The following FBN2 variants were observed in gnomAD, a reference collection of about 807,000 sequenced individuals.
The protein encoded by FBN2 is fibrillin 2, also known as fibrillin-2.
A neutral mutation model predicts 355.6 loss-of-function variants in FBN2; 105 were observed. That is an observed-to-expected ratio of 0.30 (90% confidence interval 0.25 to 0.35). The LOEUF (loss-of-function observed/expected upper bound fraction) is 0.35, where lower values mean the gene tolerates loss of function less well. Among genes scored for constraint, FBN2 ranks in the 10% least tolerant of loss-of-function variants. FBN2 has a pLI of 1.00. For missense variants in FBN2, 3,280 were observed against 3,758.7 expected, an observed-to-expected ratio of 0.87 and a Z score of 3.33; for synonymous variants, 1,350 against 1,301.2, an observed-to-expected ratio of 1.04 and a Z score of -0.81.
chr5:128,444,187 C>G (rs1278585730), intron 7 of FBN2, among the ~76,000 whole-genome samples: 4 of 151,370 alleles, frequency 2.6e-5, no homozygotes, highest in Admixed American at 6.6e-5. Context: ...ATTCTCCTGC[C>G]TCAGCCTCCC....
At position 128,259,608 on chromosome 5, in the gene FBN2, C is replaced by T. The variant is rs1482855550; in HGVS notation, c.8586G>A (p.Lys2862=). ...CCAGTGTGTATGTGCCGGGCATGAG[C>T]TTCTTCTTGGCCGTGTGCAAGTAGC... is the stretch of plus-strand genomic sequence containing the variant. ...GLSYLHTAKK[K]LMPGTYTLEI... is the part of the protein sequence containing the mutation. Residue 2862 remains lysine, a synonymous_variant, in exon 65 of 65, where the codon AAG becomes AAA. Transcript: ENST00000262464. 2.7e-5 allele frequency: 44 copies of T among 1,613,918 alleles called. No individual in the cohort carries two copies. Among genetic ancestry groups the T allele is most frequent in the Non-Finnish European group, 3.6e-5 (43 of 1,179,986 alleles).
At chr5:128,381,320 C>G (rs1278256125) in intron 11 of FBN2, among the ~76,000 whole-genome samples, 4 of 151,928 alleles carry the variant, frequency 2.6e-5, no homozygotes, top group African/African-American at 9.7e-5. Context: ...AAAATAGACC[C>G]AATTCTATTT....
chr5:128,448,819 ATTGGAATTG>A (rs1242922468), intron 6 of FBN2, among the ~76,000 whole-genome samples: 2 of 152,026 alleles, frequency 1.3e-5, no homozygotes, highest in Admixed American at 6.6e-5. Context: ...ACACTCTTAT[ATTGGAATTG>A]TTGGAATTGT....
At chr5:128,339,305 T>G (rs1750934843) in intron 25 of FBN2, 1 of 452,456 alleles carries the variant, frequency 2.2e-6, no homozygotes. Flanking sequence ...ATTGTGTATT[T>G]GTTTTTGTGG....
intron 36 of FBN2, among the ~76,000 whole-genome samples, chr5:128,316,551 T>C (rs1255789083): frequency 1.3e-5 from 2 of 152,162 alleles, no homozygotes; most frequent in African/African-American, 2.4e-5. Context: ...GATTATACAC[T>C]GACAGTTAAT....
At chr5:128,476,124 A>C (rs1226873664) in intron 5 of FBN2, among the ~76,000 whole-genome samples, 1 of 152,208 alleles carries the variant, frequency 6.6e-6, no homozygotes, top group African/African-American at 2.4e-5. Context: ...TAAAAAGGTG[A>C]CCATTAGTTC....
chr5:128,310,157 G>T (rs1749994418), intron 39 of FBN2, 49 bp from the exon 40 acceptor site: 1 of 1,459,784 alleles, frequency 6.9e-7, no homozygotes, highest in Non-Finnish European at 9.5e-7. Flanking sequence ...TTTTTTCAAT[G>T]AATTTATATT....
rs1304900050 is a variant in FBN2, at chr5:128,403,579, C to A, written c.1078+5095G>T. ...TCTTCTGTGCCTATATAACAATGTGCAAATTAGGTATTAATCATTCCTTGG... is the reference window on the plus strand; with the variant it reads ...TCTTCTGTGCCTATATAACAATGTGAAAATTAGGTATTAATCATTCCTTGG... On this transcript the variant is annotated intron_variant, in intron 8 of 64. Coordinates refer to ENST00000262464, the MANE Select transcript of FBN2 (RefSeq NM_001999.4). Among the ~76,000 whole-genome samples the A allele has an allele frequency of 2.6e-5, 4 of 152,244 alleles. 1 individual carries two copies. Among genetic ancestry groups the A allele is most frequent in the Admixed American group, 6.5e-5 (1 of 15,280 alleles).
intron 5 of FBN2, among the ~76,000 whole-genome samples, chr5:128,510,265 A>G (rs1231779958): frequency 6.6e-6 from 1 of 151,912 alleles, no homozygotes; most frequent in African/African-American, 2.4e-5. Flanking sequence ...AAGAAAAAAG[A>G]AAAAAAACCC....
At chr5:128,395,373 C>A in intron 8 of FBN2, 99 bp from the exon 9 acceptor site, 1 of 1,234,692 alleles carries the variant, frequency 8.1e-7, no homozygotes, top group Non-Finnish European at 1.2e-6. Context: ...GTGACTCATA[C>A]CACTTAATCT....
At chr5:128,401,817 A>C (rs924176619) in intron 8 of FBN2, among the ~76,000 whole-genome samples, 1 of 152,174 alleles carries the variant, frequency 6.6e-6, no homozygotes, top group East Asian at 1.9e-4. Context: ...ATTGTTCTAC[A>C]CAGTTTGGAA....
intron 5 of FBN2, among the ~76,000 whole-genome samples, chr5:128,509,972 C>T (rs1190139006): frequency 6.6e-6 from 1 of 152,164 alleles, no homozygotes; most frequent in Non-Finnish European, 1.5e-5. Flanking sequence ...AGAAAGATTC[C>T]TCACATGAAT....
chr5:128,339,203 G>C, intron 25 of FBN2, 142 bp from the exon 26 acceptor site: 2 of 798,132 alleles, frequency 2.5e-6, no homozygotes, highest in Non-Finnish European at 4.2e-6. Flanking sequence ...CCAGATAGAA[G>C]GGCCTGGGAC....
rs143525029 is a variant in FBN2, at chr5:128,270,953, CT to C, written c.7960+1045del. 7.4e-3 allele frequency among the ~76,000 whole-genome samples: 1,132 copies of C among 152,218 alleles called. 20 individuals are homozygous for C. Among genetic ancestry groups the C allele is most frequent in the African/African-American group, 0.026 (1,067 of 41,538 alleles). On this transcript the variant is annotated intron_variant, in intron 62 of 64. Coordinates refer to ENST00000262464, the MANE Select transcript of FBN2 (RefSeq NM_001999.4). ...TTTTTTGAAACTGTCTTGTCTTTAA[CT>C]TTTGATCACTTATTGGTTTCTGCAT...
Position 128,400,979 on chromosome 5 carries a change from G to A in FBN2, c.1079-5705C>T, listed in dbSNP as rs188647124. On this transcript the variant is annotated intron_variant, in intron 8 of 64. Coordinates refer to ENST00000262464, the MANE Select transcript of FBN2 (RefSeq NM_001999.4). ...TCTCACAAGATCTGATGGGTTTATC[G>A]GTGGTTTCTGCTTTTGCTTCTTCCT... 9.7e-4 allele frequency among the ~76,000 whole-genome samples: 147 copies of A among 152,166 alleles called. 1 individual carries two copies. The highest frequency in any genetic ancestry group is 3.3e-3 in the African/African-American group (137 of 41,508).
chr5:128,465,505 T>A (rs1038088192), intron 5 of FBN2, among the ~76,000 whole-genome samples: 1 of 152,320 alleles, frequency 6.6e-6, no homozygotes, highest in Non-Finnish European at 1.5e-5. Context: ...ATATGCTCCT[T>A]CCATATCACA....
chr5:128,488,720 A>C (rs1270496354), intron 5 of FBN2, among the ~76,000 whole-genome samples: 1 of 139,910 alleles, frequency 7.1e-6, no homozygotes, highest in African/African-American at 2.7e-5. Flanking sequence ...TCTCATTGTT[A>C]ATTCCCATCT....
intron 37 of FBN2, 71 bp from the exon 38 acceptor site, chr5:128,312,024 A>G (rs181393856): frequency 2.9e-6 from 3 of 1,025,306 alleles, no homozygotes; most frequent in Admixed American, 1.8e-5. Context: ...GCAAGCATTC[A>G]GCAAATGACA....
At chr5:128,344,824 C>T (rs1561781471) in intron 24 of FBN2, among the ~76,000 whole-genome samples, 2 of 152,006 alleles carry the variant, frequency 1.3e-5, no homozygotes, top group Non-Finnish European at 1.5e-5. Context: ...CCTCAGCCTC[C>T]CGAGTAGCTG....
Sources: gnomAD v4.1 joint callset for allele counts (sites outside exome capture counted in the v4.1 genomes callset) on GRCh38, gnomAD v4.1.1 for gene constraint, MANE v1.5 for transcripts, NCBI Gene and HGNC (gene_info 2026-07-23, HGNC 2026-07-21) for gene names.